USH2A: variants seen among roughly 807,000 people sequenced by gnomAD.
USH2A encodes Usher syndrome 2A (autosomal recessive, mild).
Under a neutral mutation model 538.9 loss-of-function variants are expected in USH2A, and 443 were observed. The observed-to-expected ratio is 0.82, with a 90% CI of 0.76 to 0.89. USH2A has a LOEUF of 0.89. USH2A is among the 40% of genes least tolerant of loss of function. USH2A has a pLI of 0.00. For synonymous variants in USH2A, 2,413 were observed against 2,273.5 expected, an observed-to-expected ratio of 1.06 and a Z score of -1.75; for missense variants, 6,633 against 6,324.8, an observed-to-expected ratio of 1.05 and a Z score of -1.65.
At chr1:215,809,793 A>G (rs1662611904) in intron 49 of USH2A, among the ~76,000 whole-genome samples, 2 of 152,160 alleles carry the variant, frequency 1.3e-5, no homozygotes. Flanking sequence ...AAAATAAAGT[A>G]CGTATTTACC....
chr1:216,272,839 A>C (rs990103763), intron 11 of USH2A, among the ~76,000 whole-genome samples: 1 of 152,114 alleles, frequency 6.6e-6, no homozygotes, highest in African/African-American at 2.4e-5. Context: ...GACAAACAAC[A>C]AACGAGCTTG....
chr1:216,156,018 C>A (rs147113917), intron 21 of USH2A, among the ~76,000 whole-genome samples: 1 of 152,092 alleles, frequency 6.6e-6, no homozygotes, highest in Admixed American at 6.5e-5. Context: ...AGGCTGTAAC[C>A]TCCACAGTGG....
chr1:215,869,595 C>A (rs1360320894), intron 43 of USH2A, among the ~76,000 whole-genome samples: 1 of 152,118 alleles, frequency 6.6e-6, no homozygotes, highest in Non-Finnish European at 1.5e-5. Flanking sequence ...TTCATTAGCT[C>A]TCTCCCTGGG....
At chr1:215,863,008 A>G (rs951760553) in intron 44 of USH2A, among the ~76,000 whole-genome samples, 4 of 152,212 alleles carry the variant, frequency 2.6e-5, no homozygotes, top group Non-Finnish European at 4.4e-5. Flanking sequence ...AGAGAACAGG[A>G]GTATGATAGG....
chr1:216,397,072 A>G (rs926270924), intron 3 of USH2A, among the ~76,000 whole-genome samples: 1 of 152,224 alleles, frequency 6.6e-6, no homozygotes, highest in African/African-American at 2.4e-5. Flanking sequence ...ATGGCTCTCC[A>G]CCAGGAGTGG....
chr1:215,874,927 AGGC>A (rs1313047126), intron 43 of USH2A, among the ~76,000 whole-genome samples: 1 of 152,210 alleles, frequency 6.6e-6, no homozygotes, highest in Non-Finnish European at 1.5e-5. Context: ...AAACAAATAT[AGGC>A]AAAGGAAGGG....
intron 21 of USH2A, among the ~76,000 whole-genome samples, chr1:216,139,859 C>T (rs1205637842): frequency 6.6e-6 from 1 of 152,148 alleles, no homozygotes; most frequent in East Asian, 1.9e-4. Context: ...GTATTGCCTC[C>T]ATCTCAGTTC....
chr1:215,667,089 C>G (rs1341470765), intron 64 of USH2A, among the ~76,000 whole-genome samples: 2 of 151,498 alleles, frequency 1.3e-5, no homozygotes, highest in African/African-American at 4.9e-5. Context: ...CATGCCATCT[C>G]AAAAAAAGAA....
rs1469065852 is a variant in USH2A, at chr1:216,078,069, T to A, written c.5572+20A>T. On this transcript the variant is annotated intron_variant, in intron 27 of 71. Transcript: ENST00000307340. ...CACCAGGGCTGTATGGATTTGTGAA[T>A]TCCTCCAGATGGAACTTACCTTGTT... The A allele has an allele frequency of 2.5e-6, 4 of 1,613,290 alleles. No individual in the cohort carries two copies. In the African/African-American group the frequency reaches 5.3e-5, roughly 22 times the overall value.
chr1:216,352,599 A>G (rs2038308083), intron 4 of USH2A, among the ~76,000 whole-genome samples: 2 of 152,212 alleles, frequency 1.3e-5, no homozygotes, highest in Admixed American at 6.5e-5. Flanking sequence ...AATAAATAAG[A>G]CAATGGCTAG....
chr1:216,185,820 A>C (rs1235445878), intron 20 of USH2A, among the ~76,000 whole-genome samples: 1 of 151,918 alleles, frequency 6.6e-6, no homozygotes, highest in Non-Finnish European at 1.5e-5. Context: ...GTTTTGGAAA[A>C]ACATTTAGAA....
chr1:216,305,266 A>C (rs2037293428), intron 9 of USH2A, among the ~76,000 whole-genome samples: 1 of 152,078 alleles, frequency 6.6e-6, no homozygotes, highest in African/African-American at 2.4e-5. Context: ...ATCATTATAT[A>C]ATGTCCCTCT....
At chr1:216,220,760 A>T (rs554770106) in intron 14 of USH2A, among the ~76,000 whole-genome samples, 1 of 152,162 alleles carries the variant, frequency 6.6e-6, no homozygotes, top group East Asian at 1.9e-4. Flanking sequence ...GGAAATGAGT[A>T]GGATAGACCT....
chr1:215,838,977 G>A (rs1422778479), intron 46 of USH2A, among the ~76,000 whole-genome samples: 1 of 152,132 alleles, frequency 6.6e-6, no homozygotes, highest in African/African-American at 2.4e-5. Context: ...ATGTGAAACA[G>A]TTCTCTGTTC....
At chr1:216,365,123 A>T in intron 3 of USH2A, 38 bp from the exon 4 acceptor site, 1 of 1,589,744 alleles carries the variant, frequency 6.3e-7, no homozygotes, top group Non-Finnish European at 8.5e-7. Flanking sequence ...TTAAGTGCAT[A>T]AACTTTTATT....
Position 215,741,386 on chromosome 1 carries a change from G to T in USH2A, c.11700C>A (p.Tyr3900Ter), listed in dbSNP as rs1553257498. 6.2e-7 allele frequency: 1 copy of T among 1,613,892 alleles called. No homozygotes were observed. ...ACAGCCAATCTTACCTGTAAATAAA[G>T]TAGTTGATGATGATTCCATTTGGTT... is the stretch of plus-strand genomic sequence containing the variant. ...PEKPNGIIIN[Y>*]FIYRRPAGIE... The change falls in exon 60 of 72, where the codon TAC becomes TAA. Residue 3900 changes from tyrosine to a stop codon, truncating the protein, a stop_gained. Transcript: ENST00000307340. LOFTEE classifies it high-confidence loss of function.
chr1:216,327,469 A>T, intron 5 of USH2A, 122 bp downstream of exon 5: 1 of 1,108,632 alleles, frequency 9.0e-7, no homozygotes, highest in Non-Finnish European at 1.3e-6. Context: ...AACATTAATT[A>T]GGTGAAGTTT....
intron 21 of USH2A, among the ~76,000 whole-genome samples, chr1:216,138,332 T>C (rs931609132): frequency 3.9e-5 from 6 of 152,160 alleles, no homozygotes; most frequent in African/African-American, 1.4e-4. Context: ...AAAAGAGAGT[T>C]TTAACTCAGT....
chr1:216,381,345 T>C (rs957305295), intron 3 of USH2A, among the ~76,000 whole-genome samples: 5 of 152,154 alleles, frequency 3.3e-5, no homozygotes, highest in African/African-American at 1.2e-4. Context: ...CTAACAAATT[T>C]TGAAGGATCT....
Sources: gnomAD v4.1 joint callset for allele counts (sites outside exome capture counted in the v4.1 genomes callset) on GRCh38, gnomAD v4.1.1 for gene constraint, MANE v1.5 for transcripts, NCBI Gene and HGNC (gene_info 2026-07-23, HGNC 2026-07-21) for gene names.